Variants in IVD observed in about 807,000 individuals in gnomAD.
IVD encodes isovaleryl-CoA dehydrogenase, mitochondrial.
A neutral mutation model predicts 51.3 loss-of-function variants in IVD; 31 were observed. The ratio of observed to expected loss-of-function variants is 0.60; its 90% confidence interval spans 0.45 to 0.81. IVD has a LOEUF of 0.81. IVD is among the 40% of genes least tolerant of loss of function. The pLI is 0.00. For missense variants in IVD, 475 were observed against 552.0 expected (o/e 0.86, Z 1.40); for synonymous variants, 205 against 219.4 (o/e 0.93, Z 0.58).
At position 40,414,964 on chromosome 15, in the gene IVD, T is replaced by C. The variant is rs1187200774; in HGVS notation, c.860T>C (p.Leu287Pro). 5.6e-6 allele frequency: 9 copies of C among 1,613,894 alleles called. No individual in the cohort carries two copies. Among genetic ancestry groups the C allele is most frequent in the Non-Finnish European group, 7.6e-6 (9 of 1,179,996 alleles). ...MSGLDLERLVLAGGPLGLMQA... is the reference protein window; with the variant it reads ...MSGLDLERLVPAGGPLGLMQA... ...GGGCTGGACCTGGAGCGGCTGGTGC[T>C]GGCCGGGGGGCCTCTTGGGTAAGTG... Residue 287 changes from leucine to proline, a missense_variant, in exon 8 of 12, where the codon CTG (leucine) becomes CCG (proline). Leu to Pro is a moderately conservative substitution (Grantham distance 98). Transcript: ENST00000487418.
chr15:40,433,671 G>A (rs1893107502), intron 7 of IVD, among the ~76,000 whole-genome samples: 1 of 152,112 alleles, frequency 6.6e-6, no homozygotes, highest in Non-Finnish European at 1.5e-5. Context: ...CATGTTTCTT[G>A]GAATAATTCT....
intron 1 of IVD, among the ~76,000 whole-genome samples, chr15:40,406,927 G>A (rs1308078425): frequency 6.7e-6 from 1 of 150,370 alleles, no homozygotes; most frequent in Non-Finnish European, 1.5e-5. Flanking sequence ...GTAATGGCGC[G>A]ATCTCCGCTC....
chr15:40,406,330 C>G (rs1555402993), intron 1 of IVD: 2 of 1,352,810 alleles, frequency 1.5e-6, no homozygotes, highest in Non-Finnish European at 1.9e-6. Flanking sequence ...ATGTAGTTCA[C>G]TTACACCTGA....
chr15:40,411,736 C>G (rs1405603162), intron 6 of IVD, 45 bp downstream of exon 6: 2 of 1,604,108 alleles, frequency 1.2e-6, no homozygotes, highest in African/African-American at 2.7e-5. Flanking sequence ...TGCCTCCTGA[C>G]AGTGGTACCA....
chr15:40,405,908 G>A lies in IVD; in HGVS notation c.81G>A (p.Gln27=), dbSNP rs898534021. 25 of 1,613,286 alleles carry A rather than the reference G, an allele frequency of 1.5e-5. No homozygotes were observed. The highest frequency in any genetic ancestry group is 1.8e-4 in the Middle Eastern group (1 of 5,684). ...CGCCGCTTGCCGGCTTCGTTTCCCAGCGGGCCCACTCGCTTTTGCCCGTGG... is the reference window on the plus strand; with the variant it reads ...CGCCGCTTGCCGGCTTCGTTTCCCAACGGGCCCACTCGCTTTTGCCCGTGG... The part of the protein sequence containing the change: ...LRPPLAGFVS[Q]RAHSLLPVDD... The change falls in exon 1 of 12, where the codon CAG becomes CAA. Residue 27 remains glutamine, a synonymous_variant. Transcript: ENST00000487418.
intron 7 of IVD, 44 bp downstream of exon 7, chr15:40,413,131 T>TA: frequency 6.9e-7 from 1 of 1,455,020 alleles, no homozygotes; most frequent in Non-Finnish European, 9.6e-7. Context: ...CTGACCCCCT[T>TA]CCAGGCTGAT....
chr15:40,406,270 A>T, intron 1 of IVD: 2 of 1,449,738 alleles, frequency 1.4e-6, no homozygotes, highest in Admixed American at 2.1e-5. Context: ...GTTTTGGTGG[A>T]GGATTGGCCA....
chr15:40,410,894 G>C (rs1428863666), intron 4 of IVD, 97 bp downstream of exon 4: 1 of 1,429,854 alleles, frequency 7.0e-7, no homozygotes, highest in Non-Finnish European at 9.7e-7. Context: ...CCTGCTTTCT[G>C]TAGCATGCTG....
chr15:40,431,550 C>G (rs1180553487), intron 7 of IVD, among the ~76,000 whole-genome samples: 1 of 152,036 alleles, frequency 6.6e-6, no homozygotes, highest in African/African-American at 2.4e-5. Flanking sequence ...AAAAAATTAG[C>G]TGGGCACAGT....
intron 3 of IVD, 104 bp from the exon 4 acceptor site, chr15:40,410,524 G>A: frequency 7.7e-7 from 1 of 1,300,258 alleles, no homozygotes; most frequent in Non-Finnish European, 1.1e-6. Context: ...TGGAGTAGGT[G>A]CTACAAGGTG....
chr15:40,414,952 A>T lies in IVD; in HGVS notation c.848A>T (p.Glu283Val). 1 of 1,614,098 alleles carries T rather than the reference A, an allele frequency of 6.2e-7. No homozygotes were observed. The highest frequency in any genetic ancestry group is 8.5e-7 in the Non-Finnish European group (1 of 1,180,016). ...VYVLMSGLDL[E>V]RLVLAGGPLG... The stretch of plus-strand genomic sequence containing the variant: ...GTGCTGATGAGTGGGCTGGACCTGG[A>T]GCGGCTGGTGCTGGCCGGGGGGCCT... Residue 283 changes from glutamate to valine, a missense_variant, in exon 8 of 12, where the codon GAG (glutamate) becomes GTG (valine). Physicochemically the swap from Glu to Val is moderately radical, Grantham distance 121. Coordinates refer to ENST00000487418, the MANE Select transcript of IVD (RefSeq NM_002225.5).
At chr15:40,415,164 A>G (rs1891522934) in intron 8 of IVD, 182 bp downstream of exon 8, 1 of 790,822 alleles carries the variant, frequency 1.3e-6, no homozygotes, top group African/African-American at 1.7e-5. Context: ...CAGTGGGGAA[A>G]TATCATTAAG....
intron 11 of IVD, among the ~76,000 whole-genome samples, chr15:40,416,830 A>G (rs1891739679): frequency 1.3e-5 from 2 of 152,234 alleles, no homozygotes; most frequent in South Asian, 2.1e-4. Flanking sequence ...GAAAACTGCT[A>G]GATGCCAGGA....
chr15:40,415,482 G>T lies in IVD; in HGVS notation c.960G>T (p.Gln320His), dbSNP rs367814475. ...TTGGCCAGAAGATCGGCCACTTCCA[G>T]GTGAGCCGAGTGCTTTTGCTGACAT... The part of the protein sequence containing the change: ...EAFGQKIGHF[Q>H]LMQGKMADMY... Residue 320 changes from glutamine to histidine, a missense_variant and splice_region_variant, in exon 9 of 12, where the codon CAG becomes CAT. By Grantham distance (24) the Gln-to-His change is conservative. Transcript: ENST00000487418. 6.2e-6 allele frequency: 10 copies of T among 1,613,594 alleles called. No homozygotes were observed. The South Asian group carries it at 9.9e-5, about 16-fold the overall frequency.
chr15:40,415,368 A>T (rs781141864), intron 8 of IVD, 33 bp from the exon 9 acceptor site: 3 of 1,577,038 alleles, frequency 1.9e-6, no homozygotes, highest in Non-Finnish European at 2.6e-6. Flanking sequence ...TGGGATGAGG[A>T]GGTGCCCACG....
At chr15:40,417,989 C>G in intron 11 of IVD, 141 bp from the exon 12 acceptor site, 82 of 1,076,852 alleles carry the variant, frequency 7.6e-5, no homozygotes, top group Non-Finnish European at 1.0e-4. Flanking sequence ...ATTCCCCACA[C>G]CCCTCCCTCT....
intron 4 of IVD, 48 bp downstream of exon 4, chr15:40,410,845 C>T: frequency 6.2e-7 from 1 of 1,600,904 alleles, no homozygotes; most frequent in East Asian, 2.2e-5. Flanking sequence ...GTGCAACCAC[C>T]AACTAAAAGA....
chr15:40,424,205 C>T (rs1165963418), downstream of IVD: 3 of 1,287,714 alleles, frequency 2.3e-6, no homozygotes, highest in South Asian at 1.2e-5. Flanking sequence ...TCTTCAGTGG[C>T]TCCCAGCACC....
At chr15:40,413,192 G>A (rs1292832736) in intron 7 of IVD, 105 bp downstream of exon 7, 4 of 899,170 alleles carry the variant, frequency 4.4e-6, no homozygotes, top group Non-Finnish European at 5.4e-6. Flanking sequence ...GCTTGGCATT[G>A]TTAGCGCTTC....
Sources: gnomAD v4.1 joint callset for allele counts (sites outside exome capture counted in the v4.1 genomes callset) on GRCh38, gnomAD v4.1.1 for gene constraint, MANE v1.5 for transcripts, NCBI Gene and HGNC (gene_info 2026-07-23, HGNC 2026-07-21) for gene names.